DNAI1: variants seen among roughly 807,000 people sequenced by gnomAD.
DNAI1 encodes dynein axonemal intermediate chain 1.
In DNAI1, 67 loss-of-function variants were observed where a neutral mutation model predicts 92.0. The ratio of observed to expected loss-of-function variants is 0.73; its 90% CI spans 0.60 to 0.89. The LOEUF is 0.89. DNAI1 is among the 40% of genes least tolerant of loss of function. The probability of loss-of-function intolerance (pLI) is 0.00; values close to 1 mark genes in which losing one functional copy is unlikely to be tolerated. For missense variants in DNAI1, 839 were observed against 866.6 expected (o/e 0.97, Z 0.40); for synonymous variants, 323 against 319.6 (o/e 1.01, Z -0.11).
chr9:34,471,715 A>G (rs1346240526), intron 1 of DNAI1, among the ~76,000 whole-genome samples: 1 of 152,068 alleles, frequency 6.6e-6, no homozygotes, highest in East Asian at 1.9e-4. Context: ...GGTTGGAGTG[A>G]GCTAAGATCA....
intron 14 of DNAI1, 30 bp downstream of exon 14, chr9:34,512,228 G>T (rs554463665): frequency 1.2e-6 from 2 of 1,612,898 alleles, no homozygotes; most frequent in Non-Finnish European, 1.7e-6. Flanking sequence ...GGTCACACTG[G>T]GGTGATTGGG....
At chr9:34,492,938 C>A (rs1027152215) in intron 8 of DNAI1, among the ~76,000 whole-genome samples, 26 of 152,246 alleles carry the variant, frequency 1.7e-4, no homozygotes, top group Middle Eastern at 6.8e-3. Flanking sequence ...CAATGTTGAT[C>A]TTCAGCTGAA....
At chr9:34,520,245 T>C (rs1380490772) in intron 19 of DNAI1, among the ~76,000 whole-genome samples, 1 of 152,058 alleles carries the variant, frequency 6.6e-6, no homozygotes, top group Non-Finnish European at 1.5e-5. Flanking sequence ...CCCAAACACA[T>C]ACCCATTAGC....
intron 12 of DNAI1, among the ~76,000 whole-genome samples, chr9:34,504,934 C>T (rs1380500221): frequency 1.3e-5 from 2 of 152,082 alleles, no homozygotes; most frequent in Admixed American, 6.5e-5. Flanking sequence ...ATCAGAAGGG[C>T]GGAGGAGCAT....
chr9:34,509,105 A>G (rs371853371), intron 13 of DNAI1, among the ~76,000 whole-genome samples: 3 of 152,286 alleles, frequency 2.0e-5, no homozygotes, highest in East Asian at 3.9e-4. Flanking sequence ...TGACCAGGGC[A>G]GGGCAGCGTG....
chr9:34,485,413 C>T lies in DNAI1; in HGVS notation c.181-24C>T, dbSNP rs769529228. The T allele has an allele frequency of 1.5e-5, 25 of 1,613,252 alleles. No individual in the cohort carries two copies. In the Admixed American group the frequency reaches 3.8e-4, roughly 25 times the overall value. ...GGGTTGGGGGGTCTTCATGTATGACCCTCTTGGTATTTTTCTCCCTCAGGA... is the reference window on the plus strand; with the variant it reads ...GGGTTGGGGGGTCTTCATGTATGACTCTCTTGGTATTTTTCTCCCTCAGGA... On this transcript the variant is annotated intron_variant, in intron 3 of 19. Coordinates refer to ENST00000242317, the MANE Select transcript of DNAI1 (RefSeq NM_012144.4).
At chr9:34,508,527 T>C (rs902771338) in intron 13 of DNAI1, among the ~76,000 whole-genome samples, 4 of 152,132 alleles carry the variant, frequency 2.6e-5, no homozygotes, top group African/African-American at 9.7e-5. Context: ...GTAGAAACTT[T>C]AAAACTCAGG....
chr9:34,507,648 A>C (rs925631485), intron 13 of DNAI1, among the ~76,000 whole-genome samples: 7 of 152,192 alleles, frequency 4.6e-5, no homozygotes, highest in Admixed American at 1.3e-4. Context: ...ACTGTATGTT[A>C]AAGACCAGGT....
Position 34,519,583 on chromosome 9 carries a change from C to T in DNAI1, c.2002-1075C>T, listed in dbSNP as rs147731086. ...TGGCAAAAAGGCACTGGGCTGCAAG[C>T]GGATAGGGGAGAAAATTTGGGAGCA... is the stretch of plus-strand genomic sequence containing the variant. On this transcript the variant is annotated intron_variant, in intron 19 of 19. Coordinates refer to ENST00000242317, the MANE Select transcript of DNAI1 (RefSeq NM_012144.4). Among the ~76,000 whole-genome samples the T allele has an allele frequency of 4.4e-4, 67 of 152,136 alleles. No individual in the cohort carries two copies. In the East Asian group the frequency reaches 0.012, roughly 26 times the overall value.
At chr9:34,500,996 C>A in intron 11 of DNAI1, 142 bp from the exon 12 acceptor site, 1 of 959,696 alleles carries the variant, frequency 1.0e-6, no homozygotes, top group East Asian at 2.4e-5. Context: ...AGACCACCCC[C>A]AGGACTCCCA....
At chr9:34,493,566 T>C (rs1430011387) in intron 9 of DNAI1, among the ~76,000 whole-genome samples, 1 of 152,140 alleles carries the variant, frequency 6.6e-6, no homozygotes, top group African/African-American at 2.4e-5. Context: ...TTCAGAATTA[T>C]TGAGCTAGAG....
chr9:34,513,089 C>G, intron 15 of DNAI1, 23 bp from the exon 16 acceptor site: 1 of 1,607,062 alleles, frequency 6.2e-7, no homozygotes, highest in Non-Finnish European at 8.5e-7. Flanking sequence ...TGGGCTAAGC[C>G]TGCCCCTCCC....
Position 34,485,203 on chromosome 9 carries a change from CA to C in DNAI1, c.144del (p.Val49LeufsTer9). The C allele has an allele frequency of 6.2e-7, 1 of 1,614,174 alleles. No individual in the cohort carries two copies. The highest frequency in any genetic ancestry group is 8.5e-7 in the Non-Finnish European group (1 of 1,180,026). ...GATGAATGGGCCCAATCCAAAGCCACAGTTAGACCCCCTGACCAGCTGGAGT... is the reference window on the plus strand; with the variant it reads ...GATGAATGGGCCCAATCCAAAGCCACGTTAGACCCCCTGACCAGCTGGAGT... The part of the protein sequence containing the change: ...GTDEWAQSKA[T>X]VRPPDQLELT... On this transcript the variant is annotated frameshift_variant, in exon 3 of 20. Coordinates refer to ENST00000242317, the MANE Select transcript of DNAI1 (RefSeq NM_012144.4). LOFTEE classifies it high-confidence loss of function.
At chr9:34,487,888 G>A (rs1824504792) in intron 4 of DNAI1, 1 of 167,122 alleles carries the variant, frequency 6.0e-6, no homozygotes, top group South Asian at 1.2e-4. Context: ...TTCCTTTGAT[G>A]TGGTGGAGTA....
Position 34,520,793 on chromosome 9 carries a change from C to T in DNAI1, c.*37C>T, listed in dbSNP as rs375662479. Reference sequence around the variant, plus strand: ...CAGTCTCTGTCCCATCGCTTGAATACAGTACTCCTAGGGCTTGACCCTGGT... The same window carrying T: ...CAGTCTCTGTCCCATCGCTTGAATATAGTACTCCTAGGGCTTGACCCTGGT... On this transcript the variant is annotated 3_prime_UTR_variant, in exon 20 of 20. Coordinates refer to ENST00000242317, the MANE Select transcript of DNAI1 (RefSeq NM_012144.4). 334 of 1,544,080 alleles carry T rather than the reference C, an allele frequency of 2.2e-4. No individual in the cohort carries two copies. Among genetic ancestry groups the T allele is most frequent in the Non-Finnish European group, 2.9e-4 (328 of 1,140,348 alleles).
intron 6 of DNAI1, 77 bp from the exon 7 acceptor site, chr9:34,490,292 A>T: frequency 6.2e-7 from 1 of 1,612,940 alleles, no homozygotes; most frequent in Non-Finnish European, 8.5e-7. Flanking sequence ...CTATCCTAGG[A>T]CAGGGCTTGC....
At chr9:34,490,263 ACTCT>A in intron 6 of DNAI1, 102 bp from the exon 7 acceptor site, 1 of 1,607,744 alleles carries the variant, frequency 6.2e-7, no homozygotes, top group Non-Finnish European at 8.5e-7. Context: ...TGGCAGCATC[ACTCT>A]CTCCTACCTC....
At chr9:34,486,568 G>A (rs1238219395) in intron 4 of DNAI1, among the ~76,000 whole-genome samples, 3 of 151,972 alleles carry the variant, frequency 2.0e-5, no homozygotes, top group African/African-American at 4.8e-5. Context: ...CTCTCTCCCC[G>A]TCCTCTTTCC....
At chr9:34,461,784 G>A (rs1315535340) in intron 1 of DNAI1, among the ~76,000 whole-genome samples, 3 of 152,202 alleles carry the variant, frequency 2.0e-5, no homozygotes, top group Non-Finnish European at 4.4e-5. Context: ...TTGCCTCAGT[G>A]AAGACCAATT....
Sources: gnomAD v4.1 joint callset for allele counts (sites outside exome capture counted in the v4.1 genomes callset) on GRCh38, gnomAD v4.1.1 for gene constraint, MANE v1.5 for transcripts, NCBI Gene and HGNC (gene_info 2026-07-23, HGNC 2026-07-21) for gene names.